CTBP2: variants seen among roughly 807,000 people sequenced by gnomAD.
CTBP2 encodes C-terminal-binding protein 2.
CTBP2 carries 30 observed loss-of-function variants against 80.3 expected under a neutral mutation model. The ratio of observed to expected loss-of-function variants is 0.37; its 90% CI spans 0.28 to 0.51. CTBP2 has a LOEUF of 0.51. CTBP2 is among the 20% of genes least tolerant of loss of function. CTBP2 has a pLI of 0.93. For missense variants in CTBP2, 1,212 were observed against 1,375.3 expected (o/e 0.88, Z 1.88); for synonymous variants, 594 against 587.4 (o/e 1.01, Z -0.16).
chr10:125,088,674 CAGTA>C (rs1383349288), intron 2 of CTBP2, among the ~76,000 whole-genome samples: 4 of 152,204 alleles, frequency 2.6e-5, no homozygotes, highest in Non-Finnish European at 5.9e-5. Flanking sequence ...GGAAATTACA[CAGTA>C]AGTGTTTCCG....
At chr10:125,077,078 A>C (rs1185627781) in intron 2 of CTBP2, among the ~76,000 whole-genome samples, 1 of 152,060 alleles carries the variant, frequency 6.6e-6, no homozygotes, top group Non-Finnish European at 1.5e-5. Flanking sequence ...AAAGAGAAAA[A>C]ATTCACCACT....
intron 1 of CTBP2, among the ~76,000 whole-genome samples, chr10:125,146,491 C>T (rs1858801599): frequency 6.6e-6 from 1 of 152,110 alleles, no homozygotes; most frequent in Admixed American, 6.5e-5. Context: ...CCATGTTGGC[C>T]AGGCTGGTCT....
chr10:125,105,289 A>C lies in CTBP2; in HGVS notation c.-102+5701T>G, dbSNP rs1000394894. Among the ~76,000 whole-genome samples, 3 of 152,216 alleles carry C rather than the reference A, an allele frequency of 2.0e-5. No individual in the cohort carries two copies. The East Asian group carries it at 5.8e-4, about 29-fold the overall frequency. On this transcript the variant is annotated intron_variant, in intron 2 of 10. Coordinates refer to the CTBP2 transcript ENST00000337195. The stretch of plus-strand genomic sequence containing the variant: ...AGCTACTCTGGAACCTGAGGACCAC[A>C]GATACACACCACCACCTGGCTGATT...
intron 2 of CTBP2, among the ~76,000 whole-genome samples, chr10:125,081,437 A>G (rs544187426): frequency 6.6e-6 from 1 of 152,350 alleles, no homozygotes; most frequent in East Asian, 1.9e-4. Flanking sequence ...CACTGTGTTT[A>G]GGAAAAATTA....
intron 2 of CTBP2, among the ~76,000 whole-genome samples, chr10:125,109,077 T>C (rs965560592): frequency 1.3e-5 from 2 of 152,262 alleles, no homozygotes; most frequent in Non-Finnish European, 2.9e-5. Context: ...CCAGAGTGGC[T>C]CTGGTTATTA....
intron 1 of CTBP2, among the ~76,000 whole-genome samples, chr10:125,016,959 T>C (rs1249032133): frequency 1.3e-5 from 2 of 152,192 alleles, no homozygotes; most frequent in South Asian, 2.1e-4. Flanking sequence ...CTAAGCACTG[T>C]GGATGGAAGG....
At chr10:125,109,496 C>A (rs984752358) in intron 2 of CTBP2, among the ~76,000 whole-genome samples, 5 of 152,250 alleles carry the variant, frequency 3.3e-5, no homozygotes, top group Non-Finnish European at 7.3e-5. Context: ...GAAAAGTAAG[C>A]AACGTTTGTC....
At chr10:125,132,667 T>A (rs1856376216) in intron 1 of CTBP2, among the ~76,000 whole-genome samples, 1 of 152,120 alleles carries the variant, frequency 6.6e-6, no homozygotes, top group African/African-American at 2.4e-5. Flanking sequence ...AAATGGCAAA[T>A]CAAGCACCTT....
intron 2 of CTBP2, among the ~76,000 whole-genome samples, chr10:125,084,316 G>A (rs1847645401): frequency 6.6e-6 from 1 of 151,974 alleles, no homozygotes; most frequent in Non-Finnish European, 1.5e-5. Flanking sequence ...AACATCTCAG[G>A]GAAGAAGCTG....
At chr10:125,003,597 G>A (rs943131141) in intron 1 of CTBP2, 105 bp from the exon 4 acceptor site, 7 of 896,206 alleles carry the variant, frequency 7.8e-6, no homozygotes, top group East Asian at 2.9e-5. Flanking sequence ...TTGGGCAAGC[G>A]AGGGTGGCGG....
chr10:125,156,908 A>G (rs1861017050), intron 1 of CTBP2, among the ~76,000 whole-genome samples: 1 of 152,256 alleles, frequency 6.6e-6, no homozygotes, highest in African/African-American at 2.4e-5. Flanking sequence ...TTATACAGAT[A>G]GCAAGTTTTA....
chr10:125,002,298 G>A (rs949048511), intron 3 of CTBP2, among the ~76,000 whole-genome samples: 6 of 152,106 alleles, frequency 3.9e-5, no homozygotes, highest in Non-Finnish European at 7.4e-5. Context: ...CAGCACTCAC[G>A]AGCTCACACG....
intron 1 of CTBP2, among the ~76,000 whole-genome samples, chr10:125,017,158 T>G (rs1360348272): frequency 1.3e-5 from 2 of 152,184 alleles, no homozygotes; most frequent in Non-Finnish European, 2.9e-5. Flanking sequence ...CAAGAAGAGC[T>G]TAACAACTTC....
chr10:125,157,171 T>A (rs1196257593), intron 1 of CTBP2, among the ~76,000 whole-genome samples: 2 of 152,170 alleles, frequency 1.3e-5, no homozygotes, highest in Non-Finnish European at 2.9e-5. Flanking sequence ...GTTCCACACA[T>A]AAATTGCAAC....
chr10:125,094,878 T>A (rs561977356), intron 2 of CTBP2, among the ~76,000 whole-genome samples: 24 of 146,030 alleles, frequency 1.6e-4, no homozygotes, highest in Admixed American at 4.1e-4. Flanking sequence ...TTTTTTTTTT[T>A]AACCAACATA....
chr10:125,129,743 G>A (rs1168735179), intron 1 of CTBP2, among the ~76,000 whole-genome samples: 2 of 152,214 alleles, frequency 1.3e-5, no homozygotes, highest in Non-Finnish European at 2.9e-5. Flanking sequence ...TCTGGAAGGA[G>A]GAGCACAGAA....
rs562233541 is a variant in CTBP2 at position 125,093,779 on chromosome 10, G to A, written c.-102+17211C>T. On this transcript the variant is annotated intron_variant, in intron 2 of 10. Coordinates refer to the CTBP2 transcript ENST00000337195. ...GGACGCTCAGGGGGCAGCACAGAAC[G>A]CGCGCAACCGTGGCTGGAAGTGAAA... Among the ~76,000 whole-genome samples, 11 of 152,282 alleles carry A rather than the reference G, an allele frequency of 7.2e-5. No individual in the cohort carries two copies. The East Asian group carries it at 1.5e-3, about 21-fold the overall frequency.
intron 2 of CTBP2, among the ~76,000 whole-genome samples, chr10:125,072,966 G>A (rs1391614994): frequency 6.6e-6 from 1 of 152,134 alleles, no homozygotes; most frequent in African/African-American, 2.4e-5. Flanking sequence ...CATTACTAAC[G>A]GTTGGATGCA....
At chr10:125,031,533 C>T (rs992555373), upstream of CTBP2, among the ~76,000 whole-genome samples, 8 of 149,848 alleles carry the variant, frequency 5.3e-5, no homozygotes, top group East Asian at 1.9e-4. Flanking sequence ...CTCATCAACC[C>T]CCTACCCCCT....
Sources: allele counts gnomAD v4.1 joint callset (sites outside exome capture counted in the v4.1 genomes callset), GRCh38; gene constraint gnomAD v4.1.1; transcripts MANE v1.5; gene names NCBI Gene and HGNC (gene_info 2026-07-23, HGNC 2026-07-21).